The following BBS9 variants were observed in gnomAD, a reference collection of about 807,000 sequenced individuals.
BBS9 encodes protein PTHB1.
BBS9 carries 89 observed loss-of-function variants against 117.7 expected under a neutral mutation model. That is an observed-to-expected ratio of 0.76 (90% CI 0.64 to 0.90). BBS9 has a LOEUF of 0.90. Among genes scored for constraint, BBS9 ranks in the 40% least tolerant of loss-of-function variants. The pLI is 0.00. For missense variants in BBS9, 982 were observed against 1,042.2 expected (o/e 0.94, Z 0.80); for synonymous variants, 379 against 370.9 (o/e 1.02, Z -0.25).
At chr7:33,166,093 C>T (rs924619925) in intron 4 of BBS9, among the ~76,000 whole-genome samples, 1 of 152,196 alleles carries the variant, frequency 6.6e-6, no homozygotes. Flanking sequence ...ACAGTCAGGT[C>T]CCTCAGCTGC....
chr7:33,419,567 G>A lies in BBS9; in HGVS notation c.2115+31423G>A, dbSNP rs543731500. ...GTCGTGGAACCAGATCCTAATGGTG[G>A]TGTGGCAAAAATGCCTCATATTTCT... On this transcript the variant is annotated intron_variant, in intron 19 of 22. Coordinates refer to ENST00000242067, the MANE Select transcript of BBS9 (RefSeq NM_198428.3). Among the ~76,000 whole-genome samples, 17 of 152,174 alleles carry A rather than the reference G, an allele frequency of 1.1e-4. No individual in the cohort carries two copies. The South Asian group carries it at 2.1e-3, about 19-fold the overall frequency.
chr7:33,273,402 A>G (rs537577522), intron 8 of BBS9, among the ~76,000 whole-genome samples: 20 of 152,336 alleles, frequency 1.3e-4, no homozygotes, highest in African/African-American at 4.8e-4. Context: ...ACTTTGTACA[A>G]AATGACTTGT....
At chr7:33,141,748 T>C (rs777265479) in intron 1 of BBS9, among the ~76,000 whole-genome samples, 1 of 152,212 alleles carries the variant, frequency 6.6e-6, no homozygotes, top group Non-Finnish European at 1.5e-5. Flanking sequence ...TGCCTTTTAT[T>C]ATTAGCTCCT....
intron 17 of BBS9, among the ~76,000 whole-genome samples, chr7:33,379,225 C>T (rs1237605173): frequency 6.6e-6 from 1 of 152,164 alleles, no homozygotes; most frequent in African/African-American, 2.4e-5. Flanking sequence ...ATGGCTTGCT[C>T]CTTTACTTCA....
chr7:33,415,674 T>G (rs1001816892), intron 19 of BBS9, among the ~76,000 whole-genome samples: 1 of 152,210 alleles, frequency 6.6e-6, no homozygotes, highest in Non-Finnish European at 1.5e-5. Context: ...TGTTGTATCC[T>G]TGATCTGTAG....
rs540156568 is a variant in BBS9 at position 33,315,836 on chromosome 7, C to T, written c.1017-20605C>T. 7.2e-5 allele frequency among the ~76,000 whole-genome samples: 11 copies of T among 152,150 alleles called. No individual in the cohort carries two copies. In the East Asian group the frequency reaches 2.1e-3, roughly 29 times the overall value. On this transcript the variant is annotated intron_variant, in intron 9 of 22. Transcript: ENST00000242067. ...TCAGTTTTTTTATTATGGAAAAGTTCAAATGCATACAAAGTAAATAGTATA... is the reference window on the plus strand; with the variant it reads ...TCAGTTTTTTTATTATGGAAAAGTTTAAATGCATACAAAGTAAATAGTATA...
At chr7:33,583,783 G>A (rs1053926813) in intron 21 of BBS9, among the ~76,000 whole-genome samples, 5 of 152,004 alleles carry the variant, frequency 3.3e-5, no homozygotes, top group Admixed American at 2.0e-4. Context: ...TCATAGCTTC[G>A]CACTAACTAG....
intron 19 of BBS9, among the ~76,000 whole-genome samples, chr7:33,493,234 A>G (rs1057246236): frequency 1.1e-4 from 16 of 152,136 alleles, no homozygotes; most frequent in African/African-American, 3.6e-4. Context: ...ACCTCAAGTG[A>G]TCGCCTGCCT....
At chr7:33,310,935 G>A (rs1809090596) in intron 9 of BBS9, among the ~76,000 whole-genome samples, 1 of 152,222 alleles carries the variant, frequency 6.6e-6, no homozygotes, top group Admixed American at 6.5e-5. Context: ...CTTGTAGTGG[G>A]AGAGACCAAG....
intron 3 of BBS9, 89 bp downstream of exon 3, chr7:33,152,940 C>G (rs1391565679): frequency 7.1e-7 from 1 of 1,401,584 alleles, no homozygotes; most frequent in African/African-American, 1.4e-5. Flanking sequence ...AGAAGACTAT[C>G]CATGAATTAA....
chr7:33,229,977 A>G (rs1792029472), intron 5 of BBS9, among the ~76,000 whole-genome samples: 1 of 152,010 alleles, frequency 6.6e-6, no homozygotes, highest in South Asian at 2.1e-4. Context: ...ACTATCTCAT[A>G]GTGGTTTTGA....
chr7:33,488,741 G>A (rs887363317), intron 19 of BBS9, among the ~76,000 whole-genome samples: 2 of 152,160 alleles, frequency 1.3e-5, no homozygotes, highest in African/African-American at 4.8e-5. Context: ...TGACCATAGT[G>A]TGATATAGTA....
intron 7 of BBS9, among the ~76,000 whole-genome samples, chr7:33,272,678 A>T (rs1799999717): frequency 6.6e-6 from 1 of 152,140 alleles, no homozygotes; most frequent in East Asian, 1.9e-4. Flanking sequence ...TCATAATGAT[A>T]GTTTTTATGG....
chr7:33,235,896 C>CT (rs1793390809), intron 5 of BBS9, among the ~76,000 whole-genome samples: 1 of 152,066 alleles, frequency 6.6e-6, no homozygotes, highest in Non-Finnish European at 1.5e-5. Flanking sequence ...TTCACTTTGT[C>CT]TGACAAGAAA....
intron 21 of BBS9, among the ~76,000 whole-genome samples, chr7:33,548,198 A>G (rs1853727405): frequency 6.6e-6 from 1 of 152,198 alleles, no homozygotes; most frequent in Non-Finnish European, 1.5e-5. Context: ...TCAACAGTCT[A>G]AAGATAATTT....
At chr7:33,410,246 T>C (rs1188039906) in intron 19 of BBS9, among the ~76,000 whole-genome samples, 1 of 152,214 alleles carries the variant, frequency 6.6e-6, no homozygotes, top group Admixed American at 6.5e-5. Flanking sequence ...CCCTGTTCTC[T>C]TTAGGGCGTG....
chr7:33,141,473 C>T lies in BBS9; in HGVS notation c.-11-4769C>T, dbSNP rs559487499. 2.0e-5 allele frequency among the ~76,000 whole-genome samples: 3 copies of T among 152,234 alleles called. No homozygotes were observed. In the South Asian group the frequency reaches 6.2e-4, roughly 32 times the overall value. On this transcript the variant is annotated intron_variant, in intron 1 of 22. Transcript: ENST00000242067. ...CTCGAACTCCTGGGCTCAATTGATC[C>T]TCTCACCTCAGACTCCTGACAGTAG...
In BBS9 at chr7:33,332,947, A is replaced by C. The variant is rs140466380; in HGVS notation, c.1017-3494A>C. ...ATACTGCTGTGCAATCATCACCACT[A>C]TCCATCTCCAGAACTTTTTCATCTT... On this transcript the variant is annotated intron_variant, in intron 9 of 22. Coordinates refer to ENST00000242067, the MANE Select transcript of BBS9 (RefSeq NM_198428.3). Among the ~76,000 whole-genome samples, 1,053 of 152,236 alleles carry C rather than the reference A, an allele frequency of 6.9e-3. 15 individuals carry two copies. The highest frequency in any genetic ancestry group is 0.024 in the African/African-American group (1,014 of 41,560).
intron 19 of BBS9, among the ~76,000 whole-genome samples, chr7:33,473,946 T>A (rs1841448766): frequency 6.6e-6 from 1 of 152,264 alleles, no homozygotes; most frequent in South Asian, 2.1e-4. Context: ...CATTGTATAC[T>A]ACGTAAATAT....
Sources: gnomAD v4.1 joint callset for allele counts (sites outside exome capture counted in the v4.1 genomes callset) on GRCh38, gnomAD v4.1.1 for gene constraint, MANE v1.5 for transcripts, NCBI Gene and HGNC (gene_info 2026-07-23, HGNC 2026-07-21) for gene names.